The following MICAL2 variants were observed in gnomAD, a reference collection of about 807,000 sequenced individuals.
MICAL2 encodes microtubule associated monooxygenase, calponin and LIM domain containing 2, also known as [F-actin]-monooxygenase MICAL2.
Under a neutral mutation model 127.3 loss-of-function variants are expected in MICAL2, and 77 were observed. The observed-to-expected ratio is 0.60, with a 90% CI of 0.50 to 0.73. The LOEUF (loss-of-function observed/expected upper bound fraction) is 0.73, where lower values mean the gene tolerates loss of function less well. MICAL2 is among the 30% of genes least tolerant of loss of function. MICAL2 has a pLI of 0.00. For missense variants in MICAL2, 1,351 were observed against 1,434.4 expected (o/e 0.94, Z 0.94); for synonymous variants, 570 against 551.1 (o/e 1.03, Z -0.48).
At chr11:12,168,145 T>TACACACAC (rs3044619) in intron 3 of MICAL2, among the ~76,000 whole-genome samples, 56,774 of 145,940 alleles carry the variant, frequency 0.39, 13,262 homozygotes, top group Non-Finnish European at 0.54. Context: ...CTACAGCAAA[T>TACACACAC]ACACACACAC....
At chr11:12,257,151 G>A (rs922407957) in intron 24 of MICAL2, 180 bp downstream of exon 24, 17 of 660,684 alleles carry the variant, frequency 2.6e-5, no homozygotes, top group Non-Finnish European at 3.9e-5. Flanking sequence ...GAGGCTGCCT[G>A]TGGTCCCAGG....
At chr11:12,249,533 A>T (rs1173636799) in intron 22 of MICAL2, among the ~76,000 whole-genome samples, 1 of 152,236 alleles carries the variant, frequency 6.6e-6, no homozygotes, top group African/African-American at 2.4e-5. Context: ...CCGAGGAATC[A>T]GATCCAACAG....
chr11:12,359,948 C>G (rs1307084182), downstream of MICAL2, among the ~76,000 whole-genome samples: 1 of 152,154 alleles, frequency 6.6e-6, no homozygotes, highest in Non-Finnish European at 1.5e-5. Flanking sequence ...GAGACGCTCT[C>G]TGCACGCACC....
At chr11:12,143,341 G>T (rs1266420126) in intron 2 of MICAL2, among the ~76,000 whole-genome samples, 1 of 152,242 alleles carries the variant, frequency 6.6e-6, no homozygotes, top group Non-Finnish European at 1.5e-5. Flanking sequence ...CAGCTCTGAA[G>T]TGGGAGAGGA....
intron 15 of MICAL2, among the ~76,000 whole-genome samples, chr11:12,234,441 G>C (rs1858744471): frequency 6.6e-6 from 1 of 152,186 alleles, no homozygotes. Flanking sequence ...GGTCCAGACA[G>C]CCTGTTCCTC....
Position 12,238,662 on chromosome 11 carries a change from A to G in MICAL2, c.2065-774A>G, listed in dbSNP as rs75474901. On this transcript the variant is annotated intron_variant, in intron 16 of 27. Coordinates refer to ENST00000683283, the MANE Select transcript of MICAL2 (RefSeq NM_001282663.2). ...ATGCAGTGTGGGATCCTGGGACAGA[A>G]AAAAGATATTAGTGGAAAAACTGAT... Among the ~76,000 whole-genome samples, 40 of 90,818 alleles carry G rather than the reference A, an allele frequency of 4.4e-4. 1 individual carries two copies. The East Asian group carries it at 8.2e-3, about 19-fold the overall frequency. The allele number at this position is 90,818 out of a possible 152,430, so 59.6% of individuals were successfully genotyped here. A position where few individuals can be genotyped will look rare whatever the true frequency, so the allele number is the denominator to read the frequency against.
chr11:12,287,150 G>A (rs1455019883), exon 3 of MICAL2: 1 of 398,916 alleles, frequency 2.5e-6, no homozygotes, highest in Admixed American at 4.4e-5. Flanking sequence ...AACTGGAGGA[G>A]AGAATTCTGG....
At position 12,242,536 on chromosome 11, in the gene MICAL2, C is replaced by G. The variant is rs1001665452; in HGVS notation, c.2556+104C>G. The G allele has an allele frequency of 4.2e-6, 6 of 1,427,984 alleles. No individual in the cohort carries two copies. The African/African-American group carries it at 5.7e-5, about 14-fold the overall frequency. The allele number at this position is 1,427,984 out of a possible 1,614,324, so 88.5% of individuals were successfully genotyped here. A position where few individuals can be genotyped will look rare whatever the true frequency, so the allele number is the denominator to read the frequency against. On this transcript the variant is annotated intron_variant, in intron 19 of 27. Coordinates refer to ENST00000683283, the MANE Select transcript of MICAL2 (RefSeq NM_001282663.2). ...GGGTTCCTCCTCCCTCTGCCCACCC[C>G]CTGTCTCTCATCCTGCTGTGTGTGG...
At position 12,220,477 on chromosome 11, in the gene MICAL2, G is replaced by A. The variant is rs1356095336; in HGVS notation, c.1206+19G>A. ...GCTTGAGGTACTGCCTGAGCTCGGAGCCCCCATGTTTCTCTGCGAGACAGA... is the reference window on the plus strand; with the variant it reads ...GCTTGAGGTACTGCCTGAGCTCGGAACCCCCATGTTTCTCTGCGAGACAGA... On this transcript the variant is annotated intron_variant, in intron 9 of 27. Transcript: ENST00000683283. 6.2e-7 allele frequency: 1 copy of A among 1,602,442 alleles called. No homozygotes were observed. The highest frequency in any genetic ancestry group is 8.5e-7 in the Non-Finnish European group (1 of 1,178,972).
At chr11:12,177,442 T>G (rs1031685783) in intron 3 of MICAL2, among the ~76,000 whole-genome samples, 4 of 152,218 alleles carry the variant, frequency 2.6e-5, no homozygotes, top group Admixed American at 6.5e-5. Flanking sequence ...TCTCATTCTG[T>G]GGGTTATCTT....
intron 22 of MICAL2, chr11:12,250,345 A>G (rs1246414892): frequency 6.6e-6 from 1 of 152,248 alleles, no homozygotes; most frequent in African/African-American, 2.4e-5. Flanking sequence ...TGAAATAAGC[A>G]CATCACAGAG....
chr11:12,135,083 C>G (rs758050232), intron 1 of MICAL2, among the ~76,000 whole-genome samples: 18 of 152,174 alleles, frequency 1.2e-4, no homozygotes, highest in Non-Finnish European at 2.4e-4. Flanking sequence ...GGAGCATGTG[C>G]ACACCCCATG....
At chr11:12,294,069 A>G, downstream of MICAL2, 1 of 1,614,136 alleles carries the variant, frequency 6.2e-7, no homozygotes, top group Non-Finnish European at 8.5e-7. Context: ...ATTTCCCAGA[A>G]AAGTGCTGAG....
chr11:12,348,967 C>T (rs1939000773), intron 32 of MICAL2, among the ~76,000 whole-genome samples: 2 of 152,182 alleles, frequency 1.3e-5, no homozygotes, highest in Admixed American at 1.3e-4. Flanking sequence ...AGTGAAGAAG[C>T]AGAGGTTCGG....
intron 3 of MICAL2, among the ~76,000 whole-genome samples, chr11:12,166,569 T>A (rs1855531387): frequency 6.6e-6 from 1 of 152,226 alleles, no homozygotes; most frequent in South Asian, 2.1e-4. Flanking sequence ...ATATCTCTGG[T>A]CCTCAGTAGC....
chr11:12,119,387 C>T (rs924275959), intron 1 of MICAL2, among the ~76,000 whole-genome samples: 2 of 152,224 alleles, frequency 1.3e-5, no homozygotes, highest in Admixed American at 1.3e-4. Flanking sequence ...AATTCTTCAT[C>T]GCTCTTATGC....
At chr11:12,319,243 G>A (rs1021374272) in intron 29 of MICAL2, among the ~76,000 whole-genome samples, 2 of 152,082 alleles carry the variant, frequency 1.3e-5, no homozygotes, top group Non-Finnish European at 2.9e-5. Context: ...AGCCGCAGAA[G>A]GGCGATTTGT....
intron 29 of MICAL2, among the ~76,000 whole-genome samples, chr11:12,311,505 G>A (rs1864174243): frequency 6.6e-6 from 1 of 152,068 alleles, no homozygotes; most frequent in Admixed American, 6.6e-5. Flanking sequence ...TCTGCCTCTG[G>A]GGTTGAAGAG....
chr11:12,200,557 C>A (rs1183167191), intron 3 of MICAL2, among the ~76,000 whole-genome samples: 2 of 152,212 alleles, frequency 1.3e-5, no homozygotes, highest in Non-Finnish European at 2.9e-5. Flanking sequence ...TTGGCCCCTG[C>A]CAACAAGCCA....
Sources: allele counts gnomAD v4.1 joint callset (sites outside exome capture counted in the v4.1 genomes callset), GRCh38; gene constraint gnomAD v4.1.1; transcripts MANE v1.5; gene names NCBI Gene and HGNC (gene_info 2026-07-23, HGNC 2026-07-21).